Variants in IGF1R observed in about 807,000 individuals in gnomAD.
The protein encoded by IGF1R is insulin like growth factor 1 receptor.
In IGF1R, 44 loss-of-function variants were observed where a neutral mutation model predicts 144.6. The observed-to-expected ratio is 0.30, with a 90% confidence interval of 0.24 to 0.39. The LOEUF is 0.39. Ranked by LOEUF, IGF1R falls within the 10% of genes least tolerant of loss-of-function variation. IGF1R has a pLI of 1.00. For synonymous variants in IGF1R, 795 were observed against 722.8 expected (o/e 1.10, Z -1.60); for missense variants, 1,355 against 1,833.7 (o/e 0.74, Z 4.77).
intron 2 of IGF1R, among the ~76,000 whole-genome samples, chr15:98,820,047 G>A (rs560700846): frequency 6.6e-5 from 10 of 152,246 alleles, no homozygotes; most frequent in South Asian, 6.2e-4. Context: ...ATCCTTACGC[G>A]TTCACAAACC....
chr15:98,952,044 CCTTGGAAAA>C (rs2016795073), intron 20 of IGF1R, among the ~76,000 whole-genome samples: 1 of 152,160 alleles, frequency 6.6e-6, no homozygotes, highest in Non-Finnish European at 1.5e-5. Context: ...AGCTCATAGA[CCTTGGAAAA>C]CTAGGCAGCA....
intron 18 of IGF1R, 100 bp downstream of exon 18, chr15:98,939,460 C>G: frequency 9.1e-7 from 1 of 1,094,046 alleles, no homozygotes; most frequent in Non-Finnish European, 1.4e-6. Context: ...TCTAGTGTGT[C>G]CCTTGAGTGC....
intron 2 of IGF1R, among the ~76,000 whole-genome samples, chr15:98,838,947 C>T (rs1318208713): frequency 6.6e-6 from 1 of 152,216 alleles, no homozygotes; most frequent in Non-Finnish European, 1.5e-5. Context: ...TCTGAGTCCC[C>T]ACTCAACCCC....
intron 1 of IGF1R, among the ~76,000 whole-genome samples, chr15:98,699,478 G>C (rs151218136): frequency 2.0e-5 from 3 of 152,216 alleles, no homozygotes; most frequent in African/African-American, 7.2e-5. Context: ...ATTTTAAGAT[G>C]AGAAAGGCAT....
At position 98,763,459 on chromosome 15, in the gene IGF1R, AT is replaced by A. The variant is rs111934203; in HGVS notation, c.640+55366del. Among the ~76,000 whole-genome samples the A allele has an allele frequency of 4.7e-3, 670 of 141,730 alleles. 8 individuals carry two copies. Among genetic ancestry groups the A allele is most frequent in the African/African-American group, 0.012 (456 of 38,498 alleles). The allele number at this position is 141,730 out of a possible 152,430, so 93.0% of individuals were successfully genotyped here. A position where few individuals can be genotyped will look rare whatever the true frequency, so the allele number is the denominator to read the frequency against. On this transcript the variant is annotated intron_variant, in intron 2 of 20. Transcript: ENST00000650285. ...ACACCTGACGTGGCTGGGACTCCTG[AT>A]TTTTTTTTTTTTTCTTTTTGAGAAC...
chr15:98,900,538 C>CT (rs1197411776), intron 5 of IGF1R: 3 of 152,254 alleles, frequency 2.0e-5, no homozygotes, highest in Non-Finnish European at 4.4e-5. Flanking sequence ...TTTTCTCAGA[C>CT]TAACTCTTGG....
At chr15:98,752,331 C>G (rs1268440266) in intron 2 of IGF1R, among the ~76,000 whole-genome samples, 1 of 152,112 alleles carries the variant, frequency 6.6e-6, no homozygotes, top group Non-Finnish European at 1.5e-5. Context: ...GTCCTGCTGT[C>G]TGGGGAGTCG....
At position 98,870,163 on chromosome 15, in the gene IGF1R, A is replaced by C. The variant is rs532403407; in HGVS notation, c.641-21162A>C. Among the ~76,000 whole-genome samples, 3 of 152,360 alleles carry C rather than the reference A, an allele frequency of 2.0e-5. No homozygotes were observed. The East Asian group carries it at 5.8e-4, about 29-fold the overall frequency. ...ATGTGTACAGTTCAGTGACAGTAAGAACATTCACATTGTTTTGCAGCCGTG... is the reference window on the plus strand; with the variant it reads ...ATGTGTACAGTTCAGTGACAGTAAGCACATTCACATTGTTTTGCAGCCGTG... On this transcript the variant is annotated intron_variant, in intron 2 of 20. Transcript: ENST00000650285.
chr15:98,857,805 T>G (rs192649991), intron 2 of IGF1R, among the ~76,000 whole-genome samples: 205 of 152,346 alleles, frequency 1.3e-3, no homozygotes, highest in African/African-American at 4.4e-3. Flanking sequence ...ACTGACAAAA[T>G]TCTTTCCTCT....
Position 98,684,985 on chromosome 15 carries a change from C to T in IGF1R, c.95-22577C>T, listed in dbSNP as rs185235291. On this transcript the variant is annotated intron_variant, in intron 1 of 20. Transcript: ENST00000650285. ...TGAGATAGTGTCTCGCTCTGTAACC[C>T]CAGTTGGAATGCAGTGGCATGGTCA... Among the ~76,000 whole-genome samples the T allele has an allele frequency of 3.5e-4, 52 of 150,226 alleles. 2 individuals are homozygous for T. Among genetic ancestry groups the T allele is most frequent in the Non-Finnish European group, 2.2e-4 (15 of 67,762 alleles).
intron 2 of IGF1R, among the ~76,000 whole-genome samples, chr15:98,837,315 TG>T (rs1567154006): frequency 6.6e-6 from 1 of 152,190 alleles, no homozygotes; most frequent in African/African-American, 2.4e-5. Flanking sequence ...CTCGGCTCAC[TG>T]CAACCTCCAA....
intron 2 of IGF1R, 27 bp downstream of exon 2, chr15:98,708,134 C>G: frequency 6.4e-7 from 1 of 1,572,292 alleles, no homozygotes. Flanking sequence ...CTGCTGCTTT[C>G]TCTCTGCCTC....
intron 2 of IGF1R, among the ~76,000 whole-genome samples, chr15:98,879,428 A>G (rs961570989): frequency 1.3e-5 from 2 of 152,052 alleles, no homozygotes; most frequent in Non-Finnish European, 2.9e-5. Context: ...TCTGCCAGGC[A>G]TTTCTGTAAA....
rs143179281 is a variant in IGF1R, at chr15:98,920,570, C to G, written c.2202-1578C>G. On this transcript the variant is annotated intron_variant, in intron 10 of 20. Coordinates refer to ENST00000650285, the MANE Select transcript of IGF1R (RefSeq NM_000875.5). Reference sequence around the variant, plus strand: ...GATGTGTTGACAAAGATTTCCCTGACAGTAAATGTGGTTTCTTGTGTTTTT... The same window carrying G: ...GATGTGTTGACAAAGATTTCCCTGAGAGTAAATGTGGTTTCTTGTGTTTTT... Among the ~76,000 whole-genome samples, 29 of 152,340 alleles carry G rather than the reference C, an allele frequency of 1.9e-4. No individual in the cohort carries two copies. The South Asian group carries it at 2.5e-3, about 13-fold the overall frequency.
At chr15:98,755,600 G>A (rs1328738904) in intron 2 of IGF1R, among the ~76,000 whole-genome samples, 4 of 151,432 alleles carry the variant, frequency 2.6e-5, no homozygotes, top group African/African-American at 4.8e-5. Flanking sequence ...AATTAGCTGG[G>A]CGTGGTGGCA....
chr15:98,695,100 A>C (rs2053566159), intron 1 of IGF1R, among the ~76,000 whole-genome samples: 1 of 152,238 alleles, frequency 6.6e-6, no homozygotes, highest in African/African-American at 2.4e-5. Context: ...GGTTGTGAAC[A>C]AAAACAAGAA....
chr15:98,650,429 GTCT>G (rs2052330395), intron 1 of IGF1R, among the ~76,000 whole-genome samples: 1 of 152,250 alleles, frequency 6.6e-6, no homozygotes, highest in African/African-American at 2.4e-5. Flanking sequence ...GAGGCCGGGA[GTCT>G]TCCTCAGCTT....
chr15:98,799,467 C>T (rs1596313512), intron 2 of IGF1R, among the ~76,000 whole-genome samples: 3 of 152,068 alleles, frequency 2.0e-5, no homozygotes. Flanking sequence ...TCTGTTAAGA[C>T]TTGCTTATTT....
intron 2 of IGF1R, among the ~76,000 whole-genome samples, chr15:98,861,471 G>A (rs1362946030): frequency 1.3e-5 from 2 of 152,086 alleles, no homozygotes; most frequent in African/African-American, 4.8e-5. Context: ...GGCCTCTCTC[G>A]CAGTTCTCAG....
Sources: allele counts gnomAD v4.1 joint callset (sites outside exome capture counted in the v4.1 genomes callset), GRCh38; gene constraint gnomAD v4.1.1; transcripts MANE v1.5; gene names NCBI Gene and HGNC (gene_info 2026-07-23, HGNC 2026-07-21).